Variants in STMN2 observed in about 807,000 individuals in gnomAD.
The protein encoded by STMN2 is stathmin 2, also known as stathmin-2.
STMN2 carries 2 observed loss-of-function variants against 24.1 expected under a neutral mutation model. The observed-to-expected ratio is 0.08, with a 90% CI of 0.03 to 0.26. STMN2 has a LOEUF of 0.26. Ranked by LOEUF, STMN2 falls within the 10% of genes least tolerant of loss-of-function variation. The probability of loss-of-function intolerance (pLI) is 1.00; values close to 1 mark genes in which losing one functional copy is unlikely to be tolerated. For missense variants in STMN2, 114 were observed against 213.6 expected (o/e 0.53, Z 2.91); for synonymous variants, 83 against 77.5 (o/e 1.07, Z -0.37).
intron 3 of STMN2, 72 bp downstream of exon 3, chr8:79,641,622 AT>A: frequency 1.1e-6 from 1 of 877,258 alleles, no homozygotes; most frequent in Non-Finnish European, 1.7e-6. Context: ...TCGGGCACAC[AT>A]GCACGCACAC....
chr8:79,621,662 G>T (rs182818190), intron 1 of STMN2, among the ~76,000 whole-genome samples: 5 of 152,154 alleles, frequency 3.3e-5, no homozygotes, highest in African/African-American at 1.2e-4. Context: ...CTGCTTTAAG[G>T]GAAGGATGGT....
At chr8:79,613,837 A>G (rs1218760531) in intron 1 of STMN2, 6 of 984,996 alleles carry the variant, frequency 6.1e-6, no homozygotes, top group African/African-American at 1.7e-5. Flanking sequence ...ATGTATGTTC[A>G]TGTGGCTAAG....
In STMN2 at chr8:79,611,139, G is replaced by A. The variant is rs1032799294; in HGVS notation, c.-57G>A. On this transcript the variant is annotated 5_prime_UTR_variant, in exon 1 of 5. Coordinates refer to ENST00000220876, the MANE Select transcript of STMN2 (RefSeq NM_007029.4). ...TTCAGTCTTCTCTCTCGCTCTCTCCGCTGCTGTAGCCGGACCCTTTGCCTT... is the reference window on the plus strand; with the variant it reads ...TTCAGTCTTCTCTCTCGCTCTCTCCACTGCTGTAGCCGGACCCTTTGCCTT... 1 of 1,612,556 alleles carries A rather than the reference G, an allele frequency of 6.2e-7. No individual in the cohort carries two copies. The highest frequency in any genetic ancestry group is 8.5e-7 in the Non-Finnish European group (1 of 1,179,432).
chr8:79,626,089 ACCCTATC>A (rs943994724), intron 1 of STMN2, among the ~76,000 whole-genome samples: 34 of 152,228 alleles, frequency 2.2e-4, no homozygotes, highest in African/African-American at 7.9e-4. Flanking sequence ...TTACAACAAC[ACCCTATC>A]CCCATTTTGT....
chr8:79,617,680 G>A (rs1809415146), intron 1 of STMN2, among the ~76,000 whole-genome samples: 1 of 152,186 alleles, frequency 6.6e-6, no homozygotes, highest in African/African-American at 2.4e-5. Context: ...AACCTCATTT[G>A]GAGATGACAA....
chr8:79,665,121 C>G lies in STMN2; in HGVS notation c.*247C>G, dbSNP rs1468584611. On this transcript the variant is annotated 3_prime_UTR_variant, in exon 5 of 5. Coordinates refer to ENST00000220876, the MANE Select transcript of STMN2 (RefSeq NM_007029.4). ...ATACTTACATTTTTGTTAAAAAATA[C>G]AAGTATTGCATTATGCAAGTTATTT... 3 of 298,866 alleles carry G rather than the reference C, an allele frequency of 1.0e-5. No homozygotes were observed. Among genetic ancestry groups the G allele is most frequent in the Non-Finnish European group, 1.9e-5 (3 of 161,324 alleles). The allele number at this position is 298,866 out of a possible 1,614,324, so 18.5% of individuals were successfully genotyped here.
At chr8:79,645,610 A>G (rs1036473111) in intron 3 of STMN2, among the ~76,000 whole-genome samples, 1 of 152,234 alleles carries the variant, frequency 6.6e-6, no homozygotes, top group Non-Finnish European at 1.5e-5. Flanking sequence ...GGAACTCAGA[A>G]AGTTCAAAAG....
At chr8:79,618,050 G>A (rs185279962) in intron 1 of STMN2, among the ~76,000 whole-genome samples, 10 of 152,222 alleles carry the variant, frequency 6.6e-5, no homozygotes, top group Admixed American at 3.3e-4. Flanking sequence ...ATCTTTCACC[G>A]ATTGCTGCTA....
At position 79,612,876 on chromosome 8, in the gene STMN2, C is replaced by T. The variant is rs189571569; in HGVS notation, c.19+1662C>T. The stretch of plus-strand genomic sequence containing the variant: ...GTTGAGCTGTATGCAGTCCTGGAAC[C>T]TCTTTTTTCAGCCCCGCAGTCCACA... On this transcript the variant is annotated intron_variant, in intron 1 of 4. Transcript: ENST00000220876. Among the ~76,000 whole-genome samples the T allele has an allele frequency of 3.3e-5, 5 of 152,234 alleles. No individual in the cohort carries two copies. The East Asian group carries it at 7.8e-4, about 24-fold the overall frequency.
chr8:79,632,579 T>C (rs1309237306), intron 1 of STMN2, among the ~76,000 whole-genome samples: 1 of 152,162 alleles, frequency 6.6e-6, no homozygotes, highest in African/African-American at 2.4e-5. Flanking sequence ...TTCTTTATGG[T>C]CATTAAGAAC....
chr8:79,644,578 A>C (rs1481831327), intron 3 of STMN2, among the ~76,000 whole-genome samples: 3 of 152,202 alleles, frequency 2.0e-5, no homozygotes, highest in African/African-American at 7.2e-5. Context: ...ATTTTAGGTA[A>C]GATCCCTGGG....
chr8:79,646,040 G>A (rs1563444013), intron 3 of STMN2, among the ~76,000 whole-genome samples: 3 of 151,978 alleles, frequency 2.0e-5, no homozygotes, highest in African/African-American at 4.8e-5. Flanking sequence ...CATTGCCTGA[G>A]TACTACAAAT....
At chr8:79,644,848 T>A (rs1254871831) in intron 3 of STMN2, among the ~76,000 whole-genome samples, 3 of 152,148 alleles carry the variant, frequency 2.0e-5, no homozygotes, top group Non-Finnish European at 4.4e-5. Flanking sequence ...GAAACAGTAC[T>A]GTCCAAGGAA....
chr8:79,654,361 G>T (rs1463294123), intron 3 of STMN2, among the ~76,000 whole-genome samples: 1 of 151,644 alleles, frequency 6.6e-6, no homozygotes, highest in Non-Finnish European at 1.5e-5. Flanking sequence ...TAGGGAGGGG[G>T]GAAGGGGGTG....
chr8:79,622,352 T>C (rs1809535778), intron 1 of STMN2, among the ~76,000 whole-genome samples: 1 of 152,182 alleles, frequency 6.6e-6, no homozygotes. Flanking sequence ...TAAATAAAAA[T>C]AATAAAAATT....
At chr8:79,637,956 C>T (rs1451413528) in intron 2 of STMN2, among the ~76,000 whole-genome samples, 1 of 152,224 alleles carries the variant, frequency 6.6e-6, no homozygotes, top group Admixed American at 6.5e-5. Context: ...TGCTAATTAA[C>T]TGTTCCATAA....
At chr8:79,650,568 G>A (rs1329436149) in intron 3 of STMN2, among the ~76,000 whole-genome samples, 5 of 152,108 alleles carry the variant, frequency 3.3e-5, no homozygotes, top group East Asian at 1.9e-4. Flanking sequence ...TTCCTTGAGG[G>A]TCTGACTAGA....
intron 1 of STMN2, among the ~76,000 whole-genome samples, chr8:79,630,356 C>T (rs757148013): frequency 1.6e-4 from 25 of 152,120 alleles, no homozygotes; most frequent in African/African-American, 2.4e-4. Context: ...AGGCTATCCA[C>T]CCTTATGCAA....
At position 79,611,204 on chromosome 8, in the gene STMN2, A is replaced by G. The variant is rs1809211499; in HGVS notation, c.9A>G (p.Lys3=). MA[K]TAMAYKEKMK... ...GTCTGCACATCCCTACAATGGCTAA[A>G]ACAGCAATGGGTAAGGCACTGCGCC... Residue 3 remains lysine (K), a synonymous_variant, in exon 1 of 5, where the codon AAA becomes AAG. Transcript: ENST00000220876. 1 of 1,613,942 alleles carries G rather than the reference A, an allele frequency of 6.2e-7. No individual in the cohort carries two copies. Among genetic ancestry groups the G allele is most frequent in the Admixed American group, 1.7e-5 (1 of 59,998 alleles).
Sources: allele counts gnomAD v4.1 joint callset (sites outside exome capture counted in the v4.1 genomes callset), GRCh38; gene constraint gnomAD v4.1.1; transcripts MANE v1.5; gene names NCBI Gene and HGNC (gene_info 2026-07-23, HGNC 2026-07-21).